KHDRBS2: variants seen among roughly 807,000 people sequenced by gnomAD.
The protein encoded by KHDRBS2 is KH RNA binding domain containing, signal transduction associated 2, also known as KH domain-containing, RNA-binding, signal transduction-associated protein 2.
KHDRBS2 carries 26 observed loss-of-function variants against 44.3 expected under a neutral mutation model. The observed-to-expected ratio is 0.59, with a 90% CI of 0.43 to 0.81. KHDRBS2 has a LOEUF of 0.81. Among genes scored for constraint, KHDRBS2 ranks in the 40% least tolerant of loss-of-function variants. KHDRBS2 has a pLI of 0.00. For synonymous variants in KHDRBS2, 194 were observed against 151.1 expected, an observed-to-expected ratio of 1.28 and a Z score of -2.08; for missense variants, 476 against 433.1, an observed-to-expected ratio of 1.10 and a Z score of -0.88.
the KHDRBS2 span, among the ~76,000 whole-genome samples, chr6:61,604,500 C>T: frequency 6.6e-6 from 1 of 152,240 alleles, no homozygotes; most frequent in Admixed American, 6.5e-5. Flanking sequence ...CTTCCAGCCT[C>T]ACAGGCCCAT....
At chr6:62,029,541 TA>T (rs1307874841) in intron 3 of KHDRBS2, among the ~76,000 whole-genome samples, 2 of 151,980 alleles carry the variant, frequency 1.3e-5, no homozygotes, top group Non-Finnish European at 2.9e-5. Context: ...AATTCATTTT[TA>T]ATTCCTGTGC....
At chr6:61,551,147 G>C in the KHDRBS2 span, among the ~76,000 whole-genome samples, 1 of 152,158 alleles carries the variant, frequency 6.6e-6, no homozygotes, top group East Asian at 1.9e-4. Context: ...TCATATGCTT[G>C]TTGGCCACAT....
At chr6:62,065,687 G>A (rs1259776841) in intron 2 of KHDRBS2, among the ~76,000 whole-genome samples, 3 of 147,752 alleles carry the variant, frequency 2.0e-5, no homozygotes, top group Admixed American at 6.8e-5. Flanking sequence ...AATGCTAGAT[G>A]ACGAGTTAGT....
intron 6 of KHDRBS2, among the ~76,000 whole-genome samples, chr6:61,769,278 C>G (rs766959120): frequency 6.6e-6 from 1 of 152,024 alleles, no homozygotes; most frequent in African/African-American, 2.4e-5. Context: ...ACTGAGGTAC[C>G]GGGTTCATCT....
At chr6:62,240,662 ATG>A (rs200082850) in intron 1 of KHDRBS2, among the ~76,000 whole-genome samples, 184 of 87,952 alleles carry the variant, frequency 2.1e-3, no homozygotes, top group African/African-American at 6.8e-3. Flanking sequence ...GTGTGTATGT[ATG>A]TGTGTGTGTA....
chr6:61,779,672 G>A (rs200949485), intron 6 of KHDRBS2, among the ~76,000 whole-genome samples: 1 of 135,886 alleles, frequency 7.4e-6, no homozygotes, highest in Non-Finnish European at 1.6e-5. Flanking sequence ...GAAATGACGT[G>A]TTATAATTAA....
At chr6:61,552,199 T>C in the KHDRBS2 span, among the ~76,000 whole-genome samples, 1 of 152,072 alleles carries the variant, frequency 6.6e-6, no homozygotes, top group Admixed American at 6.5e-5. Context: ...TTGAGTAGTG[T>C]TTTGTAATTC....
At chr6:62,101,827 C>T (rs576078340) in intron 2 of KHDRBS2, among the ~76,000 whole-genome samples, 3 of 152,268 alleles carry the variant, frequency 2.0e-5, no homozygotes, top group African/African-American at 7.2e-5. Context: ...TACCACATGA[C>T]TTTCTTCTTT....
intron 2 of KHDRBS2, among the ~76,000 whole-genome samples, chr6:62,103,417 C>A (rs1489467564): frequency 3.3e-5 from 5 of 152,268 alleles, no homozygotes; most frequent in Admixed American, 6.5e-5. Flanking sequence ...AGCATGCACA[C>A]TGGCTGGGCT....
chr6:61,784,107 T>A (rs1404394096), intron 6 of KHDRBS2, among the ~76,000 whole-genome samples: 1 of 151,946 alleles, frequency 6.6e-6, no homozygotes, highest in Non-Finnish European at 1.5e-5. Context: ...AAATATTTTT[T>A]AAAATAGTTT....
At chr6:61,938,779 A>T (rs927085987) in intron 4 of KHDRBS2, among the ~76,000 whole-genome samples, 1 of 152,126 alleles carries the variant, frequency 6.6e-6, no homozygotes, top group African/African-American at 2.4e-5. Context: ...AGAAGAAAAA[A>T]TGGAAATAGT....
the KHDRBS2 span, among the ~76,000 whole-genome samples, chr6:61,566,005 G>C: frequency 1.5e-4 from 22 of 148,974 alleles, no homozygotes; most frequent in African/African-American, 5.2e-4. Flanking sequence ...TGTGGTGTGT[G>C]TGTGTGTGTG....
intron 1 of KHDRBS2, among the ~76,000 whole-genome samples, chr6:62,267,077 C>T (rs2150185522): frequency 1.3e-5 from 2 of 152,110 alleles, no homozygotes; most frequent in South Asian, 4.1e-4. Flanking sequence ...TAAGAGATTG[C>T]TGTTATCCTA....
chr6:61,939,639 C>T (rs1311438757), intron 4 of KHDRBS2, among the ~76,000 whole-genome samples: 2 of 152,150 alleles, frequency 1.3e-5, no homozygotes, highest in African/African-American at 2.4e-5. Flanking sequence ...CGTAAATTAT[C>T]CTCCTTACAC....
downstream of KHDRBS2, chr6:61,679,914 A>C (rs1766148559): frequency 6.6e-6 from 1 of 151,958 alleles, no homozygotes; most frequent in African/African-American, 2.4e-5. Flanking sequence ...ATGCTAATGC[A>C]AACAAGTCAA....
intron 3 of KHDRBS2, among the ~76,000 whole-genome samples, chr6:61,995,706 T>C (rs1356017263): frequency 6.6e-6 from 1 of 152,092 alleles, no homozygotes; most frequent in Non-Finnish European, 1.5e-5. Context: ...TTATTTTAAC[T>C]AAGAGTGGGG....
intron 2 of KHDRBS2, among the ~76,000 whole-genome samples, chr6:62,066,336 CA>C (rs1327507864): frequency 7.3e-5 from 11 of 151,646 alleles, no homozygotes; most frequent in African/African-American, 2.7e-4. Flanking sequence ...TGCACAATTC[CA>C]TTTTTATCTA....
At chr6:62,178,635 C>G (rs1474336350) in intron 1 of KHDRBS2, among the ~76,000 whole-genome samples, 1 of 151,516 alleles carries the variant, frequency 6.6e-6, no homozygotes, top group Non-Finnish European at 1.5e-5. Context: ...GTAGTTACAA[C>G]TACAGTCATC....
the KHDRBS2 span, among the ~76,000 whole-genome samples, chr6:61,555,016 T>A: frequency 6.6e-6 from 1 of 152,044 alleles, no homozygotes; most frequent in African/African-American, 2.4e-5. Context: ...TCACAGGGGT[T>A]TTTTTTGCAC....
Sources: allele counts gnomAD v4.1 joint callset (sites outside exome capture counted in the v4.1 genomes callset), GRCh38; gene constraint gnomAD v4.1.1; transcripts MANE v1.5; gene names NCBI Gene and HGNC (gene_info 2026-07-23, HGNC 2026-07-21).